Variants in RFTN1 observed in about 807,000 individuals in gnomAD.
The protein encoded by RFTN1 is raftlin, lipid raft linker 1.
RFTN1 carries 26 observed loss-of-function variants against 46.5 expected under a neutral mutation model. That is an observed-to-expected ratio of 0.56 (90% CI 0.41 to 0.78). The LOEUF (loss-of-function observed/expected upper bound fraction) is 0.78, where lower values mean the gene tolerates loss of function less well. Among genes scored for constraint, RFTN1 ranks in the 30% least tolerant of loss-of-function variants. RFTN1 has a pLI of 0.00. For missense variants in RFTN1, 693 were observed against 718.7 expected (o/e 0.96, Z 0.41); for synonymous variants, 261 against 284.2 (o/e 0.92, Z 0.82).
In RFTN1 at chr3:16,410,485, A is replaced by C. The variant is rs1395723567; in HGVS notation, c.333-1002T>G. ...TAATTGTTTTCATTTTTAAATGAAA[A>C]GAATATATTCCTATATCACTTAGAA... On this transcript the variant is annotated intron_variant, in intron 3 of 9. Transcript: ENST00000334133. This position sits in a 1 kb window ranked among gnomAD's most constrained non-coding sequence, Gnocchi z 4.6. Among the ~76,000 whole-genome samples the C allele has an allele frequency of 1.3e-5, 2 of 152,190 alleles. No individual in the cohort carries two copies. The highest frequency in any genetic ancestry group is 2.9e-5 in the Non-Finnish European group (2 of 68,040).
At position 16,345,433 on chromosome 3, in the gene RFTN1, T is replaced by C. The variant is rs2071588663; in HGVS notation, c.1146+12499A>G. On this transcript the variant is annotated intron_variant, in intron 7 of 9. Coordinates refer to ENST00000334133, the MANE Select transcript of RFTN1 (RefSeq NM_015150.2). This position sits in a 1 kb window ranked among gnomAD's most constrained non-coding sequence, Gnocchi z 5.2. ...TGCATAAACATTATTTTTGGGCATG[T>C]TGTGAGGGTGTTTCTGGAAAAGATT... Among the ~76,000 whole-genome samples, 1 of 152,138 alleles carries C rather than the reference T, an allele frequency of 6.6e-6. No individual in the cohort carries two copies. The highest frequency in any genetic ancestry group is 1.5e-5 in the Non-Finnish European group (1 of 68,040).
intron 2 of RFTN1, 79 bp downstream of exon 2, chr3:16,493,646 T>A: frequency 5.1e-6 from 6 of 1,184,896 alleles, no homozygotes; most frequent in South Asian, 1.5e-5. Context: ...CATCCAGCTC[T>A]CCAACTGCAC....
At chr3:16,330,326 A>C (rs1297062067) in intron 7 of RFTN1, among the ~76,000 whole-genome samples, 1 of 152,264 alleles carries the variant, frequency 6.6e-6, no homozygotes, top group Non-Finnish European at 1.5e-5. Flanking sequence ...GTAAGCATCT[A>C]TCACAGCCCG....
chr3:16,336,134 C>T lies in RFTN1; in HGVS notation c.1147-9258G>A, dbSNP rs1364122738. Reference sequence around the variant, plus strand: ...AAGGGCCACTTCACCTCTACCTCTCCCTAGCAAGTGGAAGGCAGATGCTGG... The same window carrying T: ...AAGGGCCACTTCACCTCTACCTCTCTCTAGCAAGTGGAAGGCAGATGCTGG... On this transcript the variant is annotated intron_variant, in intron 7 of 9. Coordinates refer to ENST00000334133, the MANE Select transcript of RFTN1 (RefSeq NM_015150.2). This position sits in a 1 kb window ranked among gnomAD's most constrained non-coding sequence, Gnocchi z 6.0. 1.3e-5 allele frequency among the ~76,000 whole-genome samples: 2 copies of T among 152,172 alleles called. No individual in the cohort carries two copies. Among genetic ancestry groups the T allele is most frequent in the African/African-American group, 2.4e-5 (1 of 41,438 alleles).
chr3:16,406,448 G>A (rs1417278375), intron 4 of RFTN1, among the ~76,000 whole-genome samples: 2 of 152,168 alleles, frequency 1.3e-5, no homozygotes, highest in East Asian at 1.9e-4. Context: ...AGGAATGACC[G>A]TAAGCCACAT....
At chr3:16,467,324 C>T (rs192456957) in intron 2 of RFTN1, among the ~76,000 whole-genome samples, 6 of 152,330 alleles carry the variant, frequency 3.9e-5, no homozygotes, top group Middle Eastern at 3.4e-3. Context: ...GTCAATAACA[C>T]CTCACTTATG....
At chr3:16,318,520 A>T (rs960512728) in intron 9 of RFTN1, among the ~76,000 whole-genome samples, 2 of 152,150 alleles carry the variant, frequency 1.3e-5, no homozygotes, top group African/African-American at 4.8e-5. Flanking sequence ...AATGTTTAAA[A>T]ATCTGCCATT....
chr3:16,487,814 CG>C (rs759199462), intron 2 of RFTN1, among the ~76,000 whole-genome samples: 9 of 152,196 alleles, frequency 5.9e-5, no homozygotes, highest in Admixed American at 1.3e-4. Flanking sequence ...AAAGGCATAA[CG>C]GGGTACCGTT....
At position 16,410,533 on chromosome 3, in the gene RFTN1, G is replaced by T. The variant is rs575700547; in HGVS notation, c.333-1050C>A. On this transcript the variant is annotated intron_variant, in intron 3 of 9. Coordinates refer to ENST00000334133, the MANE Select transcript of RFTN1 (RefSeq NM_015150.2). The surrounding 1 kb of genome is among the most constrained non-coding windows in gnomAD (Gnocchi z 4.6). ...GAAAATTAAAAATTAATTTTTAAAA[G>T]ACTTTAAAAGGGTTCAACCCCTTTA... Among the ~76,000 whole-genome samples the T allele has an allele frequency of 1.3e-5, 2 of 152,014 alleles. No individual in the cohort carries two copies. Among genetic ancestry groups the T allele is most frequent in the African/African-American group, 4.8e-5 (2 of 41,354 alleles).
intron 4 of RFTN1, among the ~76,000 whole-genome samples, chr3:16,378,913 G>A (rs796145344): frequency 3.3e-4 from 50 of 152,290 alleles, no homozygotes; most frequent in African/African-American, 1.1e-3. Flanking sequence ...CTAAAAAATA[G>A]CCCAAGGCAA....
chr3:16,445,195 T>C (rs965406026), intron 2 of RFTN1, among the ~76,000 whole-genome samples: 1 of 151,902 alleles, frequency 6.6e-6, no homozygotes, highest in Non-Finnish European at 1.5e-5. Flanking sequence ...ATAAGAAAAA[T>C]AATGCATCTT....
At chr3:16,323,282 G>C in intron 9 of RFTN1, 94 bp downstream of exon 9, 1 of 893,522 alleles carries the variant, frequency 1.1e-6, no homozygotes, top group Non-Finnish European at 1.8e-6. Context: ...GCCCTTGGAA[G>C]CTGGAGCAGG....
chr3:16,485,200 G>C (rs552638771), intron 2 of RFTN1, among the ~76,000 whole-genome samples: 1 of 151,484 alleles, frequency 6.6e-6, no homozygotes, highest in East Asian at 1.9e-4. Flanking sequence ...GCCCCAAACT[G>C]GAAATTTCCC....
Position 16,345,817 on chromosome 3 carries a change from T to TGTGC in RFTN1, c.1146+12114_1146+12115insGCAC, listed in dbSNP as rs1160939614. ...GTGTGTGTGTGTGTGTGTGTGTGTGTGCGCGCGCGCGTGCGCGCACGCGCA... is the reference window on the plus strand; with the variant it reads ...GTGTGTGTGTGTGTGTGTGTGTGTGTGTGCGCGCGCGCGCGTGCGCGCACGCGCA... On this transcript the variant is annotated intron_variant, in intron 7 of 9. Transcript: ENST00000334133. This position sits in a 1 kb window ranked among gnomAD's most constrained non-coding sequence, Gnocchi z 5.2. Among the ~76,000 whole-genome samples, 964 of 74,580 alleles carry TGTGC rather than the reference T, an allele frequency of 0.013. 10 individuals are homozygous for TGTGC. Among genetic ancestry groups the TGTGC allele is most frequent in the African/African-American group, 0.049 (893 of 18,148 alleles). The allele number at this position is 74,580 out of a possible 152,430, so 48.9% of individuals were successfully genotyped here.
chr3:16,409,541 C>G (rs1022449711), intron 3 of RFTN1, 58 bp from the exon 4 acceptor site: 1 of 1,219,956 alleles, frequency 8.2e-7, no homozygotes, highest in African/African-American at 1.5e-5. Flanking sequence ...AATTTGGAGA[C>G]AGTCTCACTC....
intron 2 of RFTN1, among the ~76,000 whole-genome samples, chr3:16,462,909 T>C (rs541477904): frequency 3.3e-5 from 5 of 152,292 alleles, no homozygotes; most frequent in East Asian, 1.9e-4. Flanking sequence ...GCTGGTGTTA[T>C]GAATTGAGCT....
At position 16,323,468 on chromosome 3, in the gene RFTN1, C is replaced by G. The variant is rs372312509; in HGVS notation, c.1251-11G>C. ...GATACACTCCCCTCGCTGTAACACA[C>G]GGAGCTGAGAATGAGCCACTTTATG... On this transcript the variant is annotated splice_polypyrimidine_tract_variant and intron_variant, in intron 8 of 9. Transcript: ENST00000334133. 7 of 1,606,050 alleles carry G rather than the reference C, an allele frequency of 4.4e-6. No homozygotes were observed. The highest frequency in any genetic ancestry group is 3.3e-5 in the Admixed American group (2 of 59,824).
chr3:16,357,134 AAAC>A (rs1343991899), intron 7 of RFTN1, among the ~76,000 whole-genome samples: 1 of 28,136 alleles, frequency 3.6e-5, no homozygotes, highest in Non-Finnish European at 1.0e-4. Context: ...AAAAACAAAA[AAAC>A]AAACAAACAA....
Position 16,509,071 on chromosome 3 carries a change from C to T in RFTN1, c.-9+4371G>A, listed in dbSNP as rs1483289615. ...CTGTATTGAACAGTTCAGCTGGCAACGTCTTTCTGTTCCTTCAATAAAATT... is the reference window on the plus strand; with the variant it reads ...CTGTATTGAACAGTTCAGCTGGCAATGTCTTTCTGTTCCTTCAATAAAATT... On this transcript the variant is annotated intron_variant, in intron 1 of 9. Transcript: ENST00000334133. This position sits in a 1 kb window ranked among gnomAD's most constrained non-coding sequence, Gnocchi z 4.9. Among the ~76,000 whole-genome samples the T allele has an allele frequency of 3.3e-5, 5 of 152,288 alleles. No homozygotes were observed. The highest frequency in any genetic ancestry group is 3.9e-4 in the East Asian group (2 of 5,192).
Sources: allele counts gnomAD v4.1 joint callset (sites outside exome capture counted in the v4.1 genomes callset), GRCh38; gene constraint gnomAD v4.1.1; non-coding constraint Gnocchi (gnomAD v3.1); transcripts MANE v1.5; gene names NCBI Gene and HGNC (gene_info 2026-07-23, HGNC 2026-07-21).